Variants in C8orf34 observed in about 807,000 individuals in gnomAD.
The protein encoded by C8orf34 is chromosome 8 open reading frame 34.
A neutral mutation model predicts 68.3 loss-of-function variants in C8orf34; 65 were observed. The observed-to-expected ratio is 0.95, with a 90% CI of 0.78 to 1.17. C8orf34 has a LOEUF of 1.17. Ranked by LOEUF, C8orf34 falls within the 50% of genes most tolerant of loss-of-function variation. The pLI is 0.00. For missense variants in C8orf34, 664 were observed against 655.4 expected (o/e 1.01, Z -0.14); for synonymous variants, 244 against 241.2 (o/e 1.01, Z -0.11).
chr8:68,625,985 A>T (rs529921001), intron 7 of C8orf34, among the ~76,000 whole-genome samples: 1 of 152,192 alleles, frequency 6.6e-6, no homozygotes, highest in African/African-American at 2.4e-5. Context: ...AATTTGCTTC[A>T]TTAAGAATGT....
intron 7 of C8orf34, among the ~76,000 whole-genome samples, chr8:68,589,457 GAGAAAGAA>G (rs10615819): frequency 1.3e-5 from 2 of 148,466 alleles, no homozygotes; most frequent in Non-Finnish European, 3.0e-5. Flanking sequence ...AAGAATGAAA[GAGAAAGAA>G]AGAAGAAAGA....
chr8:68,500,858 A>T (rs568800882), intron 5 of C8orf34, among the ~76,000 whole-genome samples: 5 of 152,314 alleles, frequency 3.3e-5, no homozygotes, highest in East Asian at 1.9e-4. Flanking sequence ...AAAAATTTTT[A>T]AAATAGATAC....
At chr8:68,375,935 A>T (rs1914328) in intron 1 of C8orf34, among the ~76,000 whole-genome samples, 95,420 of 151,854 alleles carry the variant, frequency 0.63, 30,363 homozygotes, top group African/African-American at 0.73. Flanking sequence ...AAATGGAAGC[A>T]GTATCTCTAC....
chr8:68,385,066 G>A (rs1808204215), intron 1 of C8orf34, among the ~76,000 whole-genome samples: 1 of 152,196 alleles, frequency 6.6e-6, no homozygotes, highest in Non-Finnish European at 1.5e-5. Context: ...CCTTGTGAAT[G>A]TAAACAACTT....
Position 68,680,944 on chromosome 8 carries a change from C to G in C8orf34, c.1242-28050C>G, listed in dbSNP as rs184553879. Among the ~76,000 whole-genome samples, 39 of 152,200 alleles carry G rather than the reference C, an allele frequency of 2.6e-4. 1 individual carries two copies. The highest frequency in any genetic ancestry group is 9.4e-4 in the African/African-American group (39 of 41,526). ...GAGCGGCCGTGTATAGACCTCCCCCCAGGAATGCATTCCTTTCCCAGGGTA... is the reference window on the plus strand; with the variant it reads ...GAGCGGCCGTGTATAGACCTCCCCCGAGGAATGCATTCCTTTCCCAGGGTA... On this transcript the variant is annotated intron_variant, in intron 8 of 13. Coordinates refer to ENST00000518698, the MANE Select transcript of C8orf34 (RefSeq NM_052958.4).
In C8orf34 at chr8:68,777,776, A is replaced by G. The variant is rs1823563627; in HGVS notation, c.1455+1327A>G. On this transcript the variant is annotated intron_variant, in intron 11 of 13. Coordinates refer to ENST00000518698, the MANE Select transcript of C8orf34 (RefSeq NM_052958.4). ...ATTTTGTTTAAAAATCTCCAATTTT[A>G]TATAAAATAGGTAAAGAGAAAACCT... 3.9e-5 allele frequency among the ~76,000 whole-genome samples: 6 copies of G among 152,246 alleles called. 1 individual carries two copies. In the South Asian group the frequency reaches 6.2e-4, roughly 16 times the overall value.
chr8:68,658,224 C>G (rs1819565973), intron 8 of C8orf34, among the ~76,000 whole-genome samples: 1 of 152,134 alleles, frequency 6.6e-6, no homozygotes, highest in Non-Finnish European at 1.5e-5. Context: ...ATACACCATT[C>G]AGTAGTTTCT....
In C8orf34 at chr8:68,718,647, G is replaced by A. The variant is rs140889038; in HGVS notation, c.1328-2714G>A. ...TGTGCATCCACATTGAACTTGGCTC[G>A]GGAAGCGTAAACATTTCTATAAATT... On this transcript the variant is annotated intron_variant, in intron 9 of 13. Coordinates refer to ENST00000518698, the MANE Select transcript of C8orf34 (RefSeq NM_052958.4). Among the ~76,000 whole-genome samples, 683 of 152,206 alleles carry A rather than the reference G, an allele frequency of 4.5e-3. 11 individuals are homozygous for A. Among genetic ancestry groups the A allele is most frequent in the African/African-American group, 0.015 (643 of 41,532 alleles).
intron 12 of C8orf34, chr8:68,792,348 A>C (rs575869968): frequency 2.6e-5 from 4 of 152,208 alleles, no homozygotes; most frequent in African/African-American, 9.7e-5. Context: ...CAAGGCGGGC[A>C]GATCACGAGG....
chr8:68,406,636 T>C (rs1246567146), intron 1 of C8orf34, among the ~76,000 whole-genome samples: 1 of 151,884 alleles, frequency 6.6e-6, no homozygotes, highest in Non-Finnish European at 1.5e-5. Context: ...GCTGGGACTA[T>C]AGGCACCGGC....
intron 4 of C8orf34, among the ~76,000 whole-genome samples, chr8:68,472,001 C>T (rs144875125): frequency 1.4e-4 from 21 of 151,626 alleles, no homozygotes; most frequent in African/African-American, 5.1e-4. Context: ...ATAGTCTCTT[C>T]AGTTTGCAAA....
chr8:68,804,788 T>G (rs1305015483), intron 12 of C8orf34, among the ~76,000 whole-genome samples: 1 of 151,850 alleles, frequency 6.6e-6, no homozygotes, highest in African/African-American at 2.4e-5. Context: ...TCAAAATAAA[T>G]AAATAAACAA....
chr8:68,604,081 G>C (rs948450157), intron 7 of C8orf34, among the ~76,000 whole-genome samples: 3 of 152,106 alleles, frequency 2.0e-5, no homozygotes, highest in African/African-American at 7.2e-5. Context: ...TCAAATTATT[G>C]TATGGAAAGC....
chr8:68,680,964 A>G (rs989056577), intron 8 of C8orf34, among the ~76,000 whole-genome samples: 54 of 152,128 alleles, frequency 3.5e-4, no homozygotes, highest in African/African-American at 1.1e-3. Flanking sequence ...TTCCTTTCCC[A>G]GGGTATTAAT....
At chr8:68,720,866 G>A (rs1821651109) in intron 9 of C8orf34, among the ~76,000 whole-genome samples, 1 of 151,434 alleles carries the variant, frequency 6.6e-6, no homozygotes, top group Non-Finnish European at 1.5e-5. Context: ...TCCTTCATAC[G>A]TTGAAATGGA....
chr8:68,818,369 T>G lies in C8orf34; in HGVS notation c.*123T>G. On this transcript the variant is annotated 3_prime_UTR_variant, in exon 14 of 14. Coordinates refer to ENST00000518698, the MANE Select transcript of C8orf34 (RefSeq NM_052958.4). ...AGAATGGTTATTTTTATAATCTCAA[T>G]AATAAACAAGTACTATCGTAGCCAG... is the stretch of plus-strand genomic sequence containing the variant. The G allele has an allele frequency of 2.6e-6, 3 of 1,135,810 alleles. No individual in the cohort carries two copies. The highest frequency in any genetic ancestry group is 2.6e-6 in the Non-Finnish European group (2 of 768,588). 70.4% of individuals were successfully genotyped at this position (1,135,810 alleles called of 1,614,324 possible).
intron 4 of C8orf34, among the ~76,000 whole-genome samples, chr8:68,482,036 A>G (rs1812880687): frequency 6.6e-6 from 1 of 152,196 alleles, no homozygotes; most frequent in Non-Finnish European, 1.5e-5. Flanking sequence ...CTCAACTTGA[A>G]TTGTATCTTC....
intron 3 of C8orf34, among the ~76,000 whole-genome samples, chr8:68,467,769 C>T (rs895853774): frequency 1.3e-5 from 2 of 151,956 alleles, no homozygotes; most frequent in African/African-American, 4.8e-5. Flanking sequence ...GTATACAGTT[C>T]TAAGAAGTAC....
intron 1 of C8orf34, among the ~76,000 whole-genome samples, chr8:68,352,865 A>G (rs751309421): frequency 6.6e-6 from 1 of 152,136 alleles, no homozygotes; most frequent in Non-Finnish European, 1.5e-5. Context: ...TACAGATAGT[A>G]AAATAGCATC....
Sources: gnomAD v4.1 joint callset for allele counts (sites outside exome capture counted in the v4.1 genomes callset) on GRCh38, gnomAD v4.1.1 for gene constraint, MANE v1.5 for transcripts, NCBI Gene and HGNC (gene_info 2026-07-23, HGNC 2026-07-21) for gene names.